Variants in EPHA4 observed in about 807,000 individuals in gnomAD.
The protein encoded by EPHA4 is ephrin type-A receptor 4.
In EPHA4, 19 loss-of-function variants were observed where a neutral mutation model predicts 108.3. The observed-to-expected ratio is 0.18, with a 90% CI of 0.12 to 0.26. EPHA4 has a LOEUF of 0.26. Among genes scored for constraint, EPHA4 ranks in the 10% least tolerant of loss-of-function variants. The pLI is 1.00. For missense variants in EPHA4, 917 were observed against 1,254.0 expected, an observed-to-expected ratio of 0.73 and a Z score of 4.06; for synonymous variants, 449 against 455.5, an observed-to-expected ratio of 0.99 and a Z score of 0.18.
At chr2:221,461,404 A>G (rs1452207558) in intron 5 of EPHA4, among the ~76,000 whole-genome samples, 2 of 152,200 alleles carry the variant, frequency 1.3e-5, no homozygotes, top group Non-Finnish European at 2.9e-5. Flanking sequence ...TGTACATCCC[A>G]CCCTTAAATA....
At chr2:221,454,091 A>T (rs540838090) in intron 8 of EPHA4, among the ~76,000 whole-genome samples, 7 of 152,162 alleles carry the variant, frequency 4.6e-5, no homozygotes, top group Admixed American at 6.5e-5. Flanking sequence ...GAGACAGGAG[A>T]ATTGCTTGAA....
intron 3 of EPHA4, among the ~76,000 whole-genome samples, chr2:221,539,856 G>A (rs1693781011): frequency 6.6e-6 from 1 of 152,144 alleles, no homozygotes; most frequent in Non-Finnish European, 1.5e-5. Flanking sequence ...GAAGAAAGAT[G>A]TGTTGGTACA....
intron 3 of EPHA4, among the ~76,000 whole-genome samples, chr2:221,555,457 C>A (rs983675458): frequency 1.4e-4 from 21 of 152,328 alleles, no homozygotes; most frequent in African/African-American, 4.3e-4. Context: ...TGACGACCTG[C>A]ATTCACCCAG....
intron 5 of EPHA4, among the ~76,000 whole-genome samples, chr2:221,471,533 G>A (rs1407192339): frequency 1.3e-5 from 2 of 152,150 alleles, no homozygotes; most frequent in Non-Finnish European, 2.9e-5. Context: ...TTCTGAAATA[G>A]GTAGAGGAAA....
At chr2:221,487,369 G>A (rs1399064127) in intron 4 of EPHA4, among the ~76,000 whole-genome samples, 5 of 152,152 alleles carry the variant, frequency 3.3e-5, no homozygotes, top group Non-Finnish European at 5.9e-5. Flanking sequence ...TGTAACCAGC[G>A]ACGGCTGGGA....
At chr2:221,499,742 ATATATATATATATATTTTTTTTT>A (rs1218408972) in intron 4 of EPHA4, among the ~76,000 whole-genome samples, 6 of 56,462 alleles carry the variant, frequency 1.1e-4, no homozygotes, top group African/African-American at 5.9e-4. Context: ...ATATATATAT[ATATATATATATATATTTTTTTTT>A]TTTTTTTTTG....
chr2:221,548,039 C>A (rs1373734257), intron 3 of EPHA4, among the ~76,000 whole-genome samples: 2 of 152,284 alleles, frequency 1.3e-5, no homozygotes, highest in South Asian at 2.1e-4. Flanking sequence ...CCCTCCAAAT[C>A]TCATGTTGAA....
chr2:221,518,644 T>C (rs1364262208), intron 3 of EPHA4, among the ~76,000 whole-genome samples: 1 of 152,244 alleles, frequency 6.6e-6, no homozygotes, highest in Non-Finnish European at 1.5e-5. Context: ...AACCAAGCTG[T>C]ACGAAGATCA....
intron 5 of EPHA4, among the ~76,000 whole-genome samples, chr2:221,463,541 ACT>A (rs1337220991): frequency 3.3e-5 from 5 of 152,008 alleles, no homozygotes; most frequent in Non-Finnish European, 5.9e-5. Flanking sequence ...CTCTATCATG[ACT>A]CTCTAACAGT....
intron 3 of EPHA4, among the ~76,000 whole-genome samples, chr2:221,539,066 C>T (rs1383171323): frequency 6.6e-6 from 1 of 151,992 alleles, no homozygotes; most frequent in Non-Finnish European, 1.5e-5. Flanking sequence ...GGTCTAGAGC[C>T]CAGCCTACAC....
intron 3 of EPHA4, among the ~76,000 whole-genome samples, chr2:221,510,079 G>A (rs1415942958): frequency 6.6e-6 from 1 of 152,166 alleles, no homozygotes; most frequent in African/African-American, 2.4e-5. Context: ...CACAGTGCAT[G>A]GCTGCAAGAG....
At chr2:221,421,285 G>A (rs1413925327) in intron 17 of EPHA4, among the ~76,000 whole-genome samples, 1 of 151,434 alleles carries the variant, frequency 6.6e-6, no homozygotes, top group African/African-American at 2.4e-5. Context: ...GGGTGACAGA[G>A]CGAGACTCTG....
At chr2:221,421,716 G>A (rs904044012) in intron 17 of EPHA4, among the ~76,000 whole-genome samples, 4 of 152,084 alleles carry the variant, frequency 2.6e-5, no homozygotes, top group African/African-American at 9.7e-5. Context: ...ATTACTTATT[G>A]GACTATGCCT....
chr2:221,447,628 CTTTTACACTGCA>C (rs1380139133), intron 8 of EPHA4, among the ~76,000 whole-genome samples: 1 of 152,084 alleles, frequency 6.6e-6, no homozygotes, highest in African/African-American at 2.4e-5. Flanking sequence ...AAACCTTGCA[CTTTTACACTGCA>C]TTTAACTTTT....
At chr2:221,535,888 C>T (rs558239570) in intron 3 of EPHA4, among the ~76,000 whole-genome samples, 26 of 152,210 alleles carry the variant, frequency 1.7e-4, no homozygotes, top group East Asian at 1.5e-3. Flanking sequence ...ATCTGATGAA[C>T]GAGCCAGGGG....
At chr2:221,516,515 T>C (rs1018186027) in intron 3 of EPHA4, among the ~76,000 whole-genome samples, 1 of 152,054 alleles carries the variant, frequency 6.6e-6, no homozygotes, top group Non-Finnish European at 1.5e-5. Context: ...CCGCGACCCC[T>C]GGTTAATATT....
At chr2:221,517,637 AT>A (rs113966046) in intron 3 of EPHA4, among the ~76,000 whole-genome samples, 13 of 150,960 alleles carry the variant, frequency 8.6e-5, no homozygotes, top group Non-Finnish European at 1.3e-4. Flanking sequence ...GTTGCAGGGC[AT>A]TTTTTTTTTT....
intron 3 of EPHA4, among the ~76,000 whole-genome samples, chr2:221,559,398 A>T (rs1429837241): frequency 6.6e-6 from 1 of 152,162 alleles, no homozygotes; most frequent in African/African-American, 2.4e-5. Flanking sequence ...TTTTTAATTA[A>T]GCAAAAAATA....
chr2:221,574,167 G>T (rs1003458059), upstream of EPHA4: 1 of 152,158 alleles, frequency 6.6e-6, no homozygotes, highest in Non-Finnish European at 1.5e-5. Flanking sequence ...CTAATGACAT[G>T]AGCAACTTTT....
Sources: gnomAD v4.1 joint callset for allele counts (sites outside exome capture counted in the v4.1 genomes callset) on GRCh38, gnomAD v4.1.1 for gene constraint, MANE v1.5 for transcripts, NCBI Gene and HGNC (gene_info 2026-07-23, HGNC 2026-07-21) for gene names.